The following FBXL4 variants were observed in gnomAD, a reference collection of about 807,000 sequenced individuals.
The protein encoded by FBXL4 is F-box and leucine rich repeat protein 4.
In FBXL4, 40 loss-of-function variants were observed where a neutral mutation model predicts 58.9. That is an observed-to-expected ratio of 0.68 (90% CI 0.53 to 0.88). The LOEUF (loss-of-function observed/expected upper bound fraction) is 0.88, where lower values mean the gene tolerates loss of function less well. Ranked by LOEUF, FBXL4 falls within the 40% of genes least tolerant of loss-of-function variation. FBXL4 has a pLI of 0.00. For synonymous variants in FBXL4, 263 were observed against 265.5 expected (o/e 0.99, Z 0.09); for missense variants, 676 against 734.4 (o/e 0.92, Z 0.92).
intron 8 of FBXL4, among the ~76,000 whole-genome samples, chr6:98,878,938 G>C (rs569931523): frequency 2.0e-5 from 3 of 152,280 alleles, no homozygotes; most frequent in African/African-American, 7.2e-5. Flanking sequence ...AATTTGACCA[G>C]AAGTGAGGAA....
chr6:98,891,145 T>C (rs1562222543), intron 7 of FBXL4, among the ~76,000 whole-genome samples: 2 of 152,194 alleles, frequency 1.3e-5, no homozygotes, highest in South Asian at 4.1e-4. Context: ...GAAAATAATA[T>C]TGTCTTTCAC....
At chr6:98,880,881 C>T (rs1770828337) in intron 7 of FBXL4, among the ~76,000 whole-genome samples, 1 of 152,092 alleles carries the variant, frequency 6.6e-6, no homozygotes, top group Non-Finnish European at 1.5e-5. Flanking sequence ...CTAAAGATAC[C>T]TATATTCCCT....
In FBXL4 at chr6:98,879,421, C is replaced by T. The variant is rs542823361; in HGVS notation, c.1389+1132G>A. On this transcript the variant is annotated intron_variant, in intron 8 of 9. Coordinates refer to ENST00000369244, the MANE Select transcript of FBXL4 (RefSeq NM_001278716.2). ...TCAGTTACACTGGAAGATTCACTTACGGTATGTGTGCACACAAACACACAC... is the reference window on the plus strand; with the variant it reads ...TCAGTTACACTGGAAGATTCACTTATGGTATGTGTGCACACAAACACACAC... 2.6e-5 allele frequency among the ~76,000 whole-genome samples: 4 copies of T among 152,280 alleles called. No individual in the cohort carries two copies. In the East Asian group the frequency reaches 7.7e-4, roughly 29 times the overall value.
intron 6 of FBXL4, among the ~76,000 whole-genome samples, chr6:98,904,359 C>T (rs935887574): frequency 1.3e-5 from 2 of 152,150 alleles, no homozygotes; most frequent in African/African-American, 2.4e-5. Context: ...ACATGTGCTA[C>T]TAGCCATTAC....
rs796181204 is a variant in FBXL4, at chr6:98,917,539, C to T, written c.693G>A (p.Lys231=). The T allele has an allele frequency of 1.2e-6, 2 of 1,614,034 alleles. No homozygotes were observed. The highest frequency in any genetic ancestry group is 2.2e-5 in the East Asian group (1 of 44,868). ...GTGAAGTCTTGAGAGAAAGCACTGG[C>T]TTGTCCTTCACACCATGTAGCACAA... ...DAVVLHGVKD[K]PVLSLKTSLI... is the part of the protein sequence containing the mutation. Residue 231 remains lysine (K), a synonymous_variant, in exon 5 of 10, where the codon AAG becomes AAA. Coordinates refer to ENST00000369244, the MANE Select transcript of FBXL4 (RefSeq NM_001278716.2).
chr6:98,875,378 C>T (rs371545985), intron 9 of FBXL4, 37 bp downstream of exon 9: 884 of 1,599,072 alleles, frequency 5.5e-4, no homozygotes, highest in Non-Finnish European at 6.5e-4. Context: ...GTCAAGGAAA[C>T]AGACATTTAA....
chr6:98,932,463 T>G (rs568075594), intron 2 of FBXL4, among the ~76,000 whole-genome samples: 1 of 152,284 alleles, frequency 6.6e-6, no homozygotes, highest in African/African-American at 2.4e-5. Flanking sequence ...CGAAGTTAAA[T>G]AATACAATTA....
intron 7 of FBXL4, among the ~76,000 whole-genome samples, chr6:98,893,786 A>G (rs537746653): frequency 2.9e-5 from 4 of 137,236 alleles, no homozygotes; most frequent in African/African-American, 1.1e-4. Flanking sequence ...AAAATACATA[A>G]GAAATCATTT....
At chr6:98,911,644 C>CA (rs1182512659) in intron 5 of FBXL4, among the ~76,000 whole-genome samples, 8 of 152,178 alleles carry the variant, frequency 5.3e-5, no homozygotes, top group Non-Finnish European at 8.8e-5. Flanking sequence ...GGAAAACTAA[C>CA]AAACAGAAAG....
intron 7 of FBXL4, among the ~76,000 whole-genome samples, chr6:98,885,250 T>A (rs901087315): frequency 1.3e-5 from 2 of 152,144 alleles, no homozygotes; most frequent in African/African-American, 4.8e-5. Context: ...ATTACAGGCA[T>A]GTGCCACCAC....
intron 6 of FBXL4, among the ~76,000 whole-genome samples, chr6:98,902,395 GA>G (rs999531779): frequency 1.3e-5 from 2 of 152,092 alleles, no homozygotes; most frequent in African/African-American, 2.4e-5. Context: ...AGAAAGAAGG[GA>G]AAAGAACACC....
At chr6:98,879,899 C>T (rs949284986) in intron 8 of FBXL4, among the ~76,000 whole-genome samples, 21 of 144,758 alleles carry the variant, frequency 1.5e-4, no homozygotes, top group South Asian at 2.2e-4. Context: ...GTCAAGATCG[C>T]GCCGCTGCAC....
Position 98,873,317 on chromosome 6 carries a change from CAT to C in FBXL4, c.*959_*960del, listed in dbSNP as rs1216448306. 3 of 146,456 alleles carry C rather than the reference CAT, an allele frequency of 2.0e-5. No individual in the cohort carries two copies. The highest frequency in any genetic ancestry group is 2.1e-4 in the South Asian group (1 of 4,750). The allele number at this position is 146,456 out of a possible 1,614,324, so 9.1% of individuals were successfully genotyped here. On this transcript the variant is annotated 3_prime_UTR_variant, in exon 10 of 10. Coordinates refer to ENST00000369244, the MANE Select transcript of FBXL4 (RefSeq NM_001278716.2). ...ATATATACATGTATATATTAAAAATCATAAATGTGGATATATATTATCTATAA... is the reference window on the plus strand; with the variant it reads ...ATATATACATGTATATATTAAAAATCAAATGTGGATATATATTATCTATAA...
chr6:98,931,999 T>C (rs1445454348), intron 2 of FBXL4, among the ~76,000 whole-genome samples: 1 of 152,202 alleles, frequency 6.6e-6, no homozygotes, highest in Non-Finnish European at 1.5e-5. Flanking sequence ...ATAACTCTAT[T>C]TTATAAGGAG....
chr6:98,911,654 G>A (rs1473929430), intron 5 of FBXL4, among the ~76,000 whole-genome samples: 3 of 152,144 alleles, frequency 2.0e-5, no homozygotes, highest in Non-Finnish European at 4.4e-5. Context: ...CAAACAGAAA[G>A]GCCATCCACC....
intron 7 of FBXL4, among the ~76,000 whole-genome samples, chr6:98,884,638 T>C (rs140413033): frequency 7.5e-4 from 114 of 152,284 alleles, no homozygotes; most frequent in African/African-American, 2.4e-3. Flanking sequence ...TTATTTTTGA[T>C]CTCCTGCAAT....
intron 5 of FBXL4, among the ~76,000 whole-genome samples, chr6:98,909,212 T>A (rs1033682045): frequency 6.6e-6 from 1 of 152,218 alleles, no homozygotes; most frequent in East Asian, 1.9e-4. Context: ...ACCCTGAAGA[T>A]CACTGGCTGA....
chr6:98,902,956 C>G (rs1386609098), intron 6 of FBXL4, among the ~76,000 whole-genome samples: 1 of 152,072 alleles, frequency 6.6e-6, no homozygotes, highest in Admixed American at 6.6e-5. Flanking sequence ...CAACCTATTT[C>G]TCCACTATTC....
chr6:98,912,742 T>C (rs1369235816), intron 5 of FBXL4, among the ~76,000 whole-genome samples: 1 of 151,356 alleles, frequency 6.6e-6, no homozygotes, highest in Admixed American at 6.6e-5. Context: ...GTAAAGACCA[T>C]CGAGAATAGG....
Sources: gnomAD v4.1 joint callset for allele counts (sites outside exome capture counted in the v4.1 genomes callset) on GRCh38, gnomAD v4.1.1 for gene constraint, MANE v1.5 for transcripts, NCBI Gene and HGNC (gene_info 2026-07-23, HGNC 2026-07-21) for gene names.